Variants in GALNTL6 observed in about 807,000 individuals in gnomAD.
GALNTL6 encodes polypeptide N-acetylgalactosaminyltransferase like 6, also known as polypeptide N-acetylgalactosaminyltransferase-like 6.
GALNTL6 carries 46 observed loss-of-function variants against 73.7 expected under a neutral mutation model. That is an observed-to-expected ratio of 0.62 (90% confidence interval 0.49 to 0.80). The LOEUF is 0.80. Among genes scored for constraint, GALNTL6 ranks in the 30% least tolerant of loss-of-function variants. The pLI is 0.00. For synonymous variants in GALNTL6, 259 were observed against 263.7 expected, an observed-to-expected ratio of 0.98 and a Z score of 0.17; for missense variants, 604 against 755.0, an observed-to-expected ratio of 0.80 and a Z score of 2.34.
chr4:172,242,059 A>G (rs1466981988), intron 3 of GALNTL6, among the ~76,000 whole-genome samples: 3 of 152,214 alleles, frequency 2.0e-5, no homozygotes. Context: ...GTATAATTAT[A>G]GTAGCTGAAG....
intron 2 of GALNTL6, among the ~76,000 whole-genome samples, chr4:172,125,141 A>G (rs1733260389): frequency 6.6e-6 from 1 of 152,164 alleles, no homozygotes; most frequent in Admixed American, 6.6e-5. Flanking sequence ...GCAATGATGT[A>G]TGACCTGCAA....
chr4:172,892,733 T>A (rs1746105618), intron 8 of GALNTL6, among the ~76,000 whole-genome samples: 1 of 151,834 alleles, frequency 6.6e-6, no homozygotes, highest in African/African-American at 2.4e-5. Context: ...GGGCAAGAGA[T>A]GACTCCCTCA....
At chr4:172,815,786 A>C (rs1003036370) in intron 7 of GALNTL6, among the ~76,000 whole-genome samples, 2 of 152,182 alleles carry the variant, frequency 1.3e-5, no homozygotes, top group African/African-American at 2.4e-5. Context: ...TGAACTGTCA[A>C]AATTTGCATT....
At chr4:172,381,934 A>T (rs1435049757) in intron 5 of GALNTL6, among the ~76,000 whole-genome samples, 1 of 151,924 alleles carries the variant, frequency 6.6e-6, no homozygotes, top group Admixed American at 6.6e-5. Flanking sequence ...GAAATTTATG[A>T]GAATTTTCAT....
At chr4:171,942,450 C>T (rs1358672316) in intron 2 of GALNTL6, among the ~76,000 whole-genome samples, 1 of 151,900 alleles carries the variant, frequency 6.6e-6, no homozygotes, top group East Asian at 1.9e-4. Flanking sequence ...CATGATAGGT[C>T]TTATTTGAAT....
chr4:172,167,177 G>A (rs192930483), intron 2 of GALNTL6, among the ~76,000 whole-genome samples: 247 of 152,240 alleles, frequency 1.6e-3, no homozygotes, highest in African/African-American at 5.4e-3. Flanking sequence ...TATTAAATCA[G>A]AATTTGGGGG....
intron 5 of GALNTL6, among the ~76,000 whole-genome samples, chr4:172,741,835 C>G (rs1307118971): frequency 3.3e-5 from 5 of 151,962 alleles, no homozygotes; most frequent in African/African-American, 1.2e-4. Flanking sequence ...TCATAGTCAT[C>G]TTTGAGAAGT....
chr4:172,007,770 C>G (rs1740882394), intron 2 of GALNTL6, among the ~76,000 whole-genome samples: 1 of 152,110 alleles, frequency 6.6e-6, no homozygotes, highest in African/African-American at 2.4e-5. Flanking sequence ...CAGAGCCCAT[C>G]CAGCATTCCT....
intron 5 of GALNTL6, among the ~76,000 whole-genome samples, chr4:172,504,865 G>GT (rs1270875645): frequency 1.8e-5 from 1 of 55,178 alleles, no homozygotes; most frequent in Non-Finnish European, 4.2e-5. Context: ...ACACATTTGT[G>GT]TAAGTTTAAT....
At chr4:171,827,122 A>G (rs1734845247) in intron 2 of GALNTL6, among the ~76,000 whole-genome samples, 1 of 152,174 alleles carries the variant, frequency 6.6e-6, no homozygotes, top group African/African-American at 2.4e-5. Context: ...TACACTTTAT[A>G]TAGGCAGAGA....
intron 11 of GALNTL6, 29 bp downstream of exon 11, chr4:173,009,323 TGGGAA>T (rs1752438754): frequency 7.5e-7 from 1 of 1,328,368 alleles, no homozygotes. Context: ...GCCAGGGCAG[TGGGAA>T]CCAGTCGGGG....
intron 3 of GALNTL6, among the ~76,000 whole-genome samples, chr4:172,246,236 C>A (rs1737652219): frequency 6.6e-6 from 1 of 152,204 alleles, no homozygotes; most frequent in East Asian, 1.9e-4. Context: ...GGATGACCAA[C>A]TGAGCCTTAG....
intron 4 of GALNTL6, among the ~76,000 whole-genome samples, chr4:172,315,130 AAT>A (rs991779230): frequency 2.0e-5 from 3 of 152,226 alleles, no homozygotes; most frequent in Non-Finnish European, 4.4e-5. Context: ...TAATTTTTAA[AAT>A]AGTTTTTCCA....
intron 5 of GALNTL6, among the ~76,000 whole-genome samples, chr4:172,672,439 T>A (rs1732042233): frequency 6.6e-6 from 1 of 152,252 alleles, no homozygotes; most frequent in Non-Finnish European, 1.5e-5. Context: ...GATTTTTGCA[T>A]TGATGTTCAT....
chr4:171,934,516 T>C lies in GALNTL6; in HGVS notation c.138+119798T>C, dbSNP rs554211625. Among the ~76,000 whole-genome samples, 11 of 152,266 alleles carry C rather than the reference T, an allele frequency of 7.2e-5. No homozygotes were observed. In the East Asian group the frequency reaches 2.1e-3, roughly 29 times the overall value. ...GCAGCCTCAATTTCCCAGGCTCATG[T>C]GATTCTCTCACGTCAGCCTCCCAAG... On this transcript the variant is annotated intron_variant, in intron 2 of 12. Coordinates refer to ENST00000506823, the MANE Select transcript of GALNTL6 (RefSeq NM_001034845.3).
At chr4:172,606,621 A>G (rs1560832266) in intron 5 of GALNTL6, among the ~76,000 whole-genome samples, 1 of 49,020 alleles carries the variant, frequency 2.0e-5, no homozygotes, top group African/African-American at 4.9e-5. Flanking sequence ...CATATATAGT[A>G]TATATATACT....
At chr4:172,900,727 G>GT (rs1348075172) in intron 8 of GALNTL6, among the ~76,000 whole-genome samples, 3 of 152,042 alleles carry the variant, frequency 2.0e-5, no homozygotes, top group Non-Finnish European at 4.4e-5. Flanking sequence ...AGTTCAAGAG[G>GT]TTTTTTTCTT....
rs1733406901 is a variant in GALNTL6, at chr4:172,480,438, A to T, written c.553+131749A>T. ...CTCATTTTAAAGCTGTTCTTATCTT[A>T]TTAGACCTATGCTCAAATCCTTTAA... On this transcript the variant is annotated intron_variant, in intron 5 of 12. Coordinates refer to ENST00000506823, the MANE Select transcript of GALNTL6 (RefSeq NM_001034845.3). 7.2e-5 allele frequency among the ~76,000 whole-genome samples: 11 copies of T among 152,204 alleles called. 1 individual carries two copies. The highest frequency in any genetic ancestry group is 7.2e-4 in the Admixed American group (11 of 15,290).
intron 5 of GALNTL6, among the ~76,000 whole-genome samples, chr4:172,759,420 C>A (rs535203042): frequency 6.6e-6 from 1 of 152,244 alleles, no homozygotes; most frequent in Non-Finnish European, 1.5e-5. Flanking sequence ...TATTACCAGT[C>A]AGATCCATGT....
Sources: gnomAD v4.1 joint callset for allele counts (sites outside exome capture counted in the v4.1 genomes callset) on GRCh38, gnomAD v4.1.1 for gene constraint, MANE v1.5 for transcripts, NCBI Gene and HGNC (gene_info 2026-07-23, HGNC 2026-07-21) for gene names.